The following KLHL2 variants were observed in gnomAD, a reference collection of about 807,000 sequenced individuals.
KLHL2 encodes kelch-like protein 2.
KLHL2 carries 15 observed loss-of-function variants against 75.8 expected under a neutral mutation model. The observed-to-expected ratio is 0.20, with a 90% confidence interval of 0.13 to 0.30. KLHL2 has a LOEUF of 0.30. Ranked by LOEUF, KLHL2 falls within the 10% of genes least tolerant of loss-of-function variation. The pLI is 1.00. For missense variants in KLHL2, 381 were observed against 741.0 expected (o/e 0.51, Z 5.64); for synonymous variants, 214 against 251.9 (o/e 0.85, Z 1.42).
intron 5 of KLHL2, among the ~76,000 whole-genome samples, chr4:165,266,836 G>A (rs188286734): frequency 6.6e-6 from 1 of 152,034 alleles, no homozygotes; most frequent in Non-Finnish European, 1.5e-5. Flanking sequence ...ATTTAAAGTA[G>A]TTTTTTCCAA....
chr4:165,263,802 ATTGTTTTTTT>A (rs755457903), intron 5 of KLHL2, among the ~76,000 whole-genome samples: 7,641 of 93,514 alleles, frequency 0.082, 430 homozygotes, highest in African/African-American at 0.2. Flanking sequence ...GATTTTTTAC[ATTGTTTTTTT>A]TTTTTTTTTT....
chr4:165,209,968 G>A (rs2110929356), intron 1 of KLHL2: 6 of 1,451,072 alleles, frequency 4.1e-6, no homozygotes, highest in South Asian at 1.5e-5. Context: ...CCCGTGTGCC[G>A]GATTTGAGAC....
At chr4:165,258,956 A>G (rs1741426030) in intron 4 of KLHL2, among the ~76,000 whole-genome samples, 1 of 152,152 alleles carries the variant, frequency 6.6e-6, no homozygotes, top group Non-Finnish European at 1.5e-5. Flanking sequence ...ACAAGTGCTG[A>G]TGCTATTAAA....
intron 8 of KLHL2, among the ~76,000 whole-genome samples, chr4:165,300,669 C>T (rs577195529): frequency 3.9e-5 from 6 of 152,300 alleles, no homozygotes; most frequent in South Asian, 2.1e-4. Flanking sequence ...CTTTATAGTA[C>T]GACCAATACT....
chr4:165,295,022 ACT>A (rs553464137), intron 6 of KLHL2, among the ~76,000 whole-genome samples: 245 of 150,808 alleles, frequency 1.6e-3, no homozygotes, highest in Non-Finnish European at 2.7e-3. Context: ...TGCCTCCCTG[ACT>A]CTCTCCCTCC....
intron 5 of KLHL2, chr4:165,278,147 T>A (rs1423752950): frequency 6.6e-7 from 1 of 1,507,220 alleles, no homozygotes; most frequent in Non-Finnish European, 9.2e-7. Flanking sequence ...CCATGTAGAA[T>A]AACGAATTTC....
chr4:165,207,973 G>T lies in KLHL2; in HGVS notation c.26+71G>T. On this transcript the variant is annotated intron_variant, in intron 1 of 14. Coordinates refer to ENST00000226725, the MANE Select transcript of KLHL2 (RefSeq NM_007246.4). This position sits in a 1 kb window ranked among gnomAD's most constrained non-coding sequence, Gnocchi z 4.2. ...CGCTGCGGCGCGTGTCGCCGGCCGC[G>T]GGCGCAGCTCTGGGGACAGCCGCCG... 2.5e-6 allele frequency: 3 copies of T among 1,198,174 alleles called. No individual in the cohort carries two copies. In the South Asian group the frequency reaches 7.9e-5, roughly 31 times the overall value. 74.2% of individuals were successfully genotyped at this position (1,198,174 alleles called of 1,614,324 possible). A position where few individuals can be genotyped will look rare whatever the true frequency, so the allele number is the denominator to read the frequency against.
intron 4 of KLHL2, among the ~76,000 whole-genome samples, chr4:165,262,371 G>A (rs1202824195): frequency 5.3e-5 from 8 of 152,110 alleles, no homozygotes; most frequent in African/African-American, 7.2e-5. Flanking sequence ...GTTCTACCCC[G>A]TAAGGAAAGC....
intron 6 of KLHL2, among the ~76,000 whole-genome samples, chr4:165,297,395 A>T (rs1744994914): frequency 6.7e-6 from 1 of 149,672 alleles, no homozygotes; most frequent in East Asian, 1.9e-4. Context: ...TTGCTTTATT[A>T]TTTTGGGTAA....
intron 5 of KLHL2, among the ~76,000 whole-genome samples, chr4:165,282,832 T>G (rs1743800639): frequency 6.6e-6 from 1 of 151,222 alleles, no homozygotes; most frequent in Non-Finnish European, 1.5e-5. Context: ...TTTGTATTAG[T>G]CCATTTCCAT....
At chr4:165,220,292 T>C (rs920118175) in intron 2 of KLHL2, among the ~76,000 whole-genome samples, 2 of 152,116 alleles carry the variant, frequency 1.3e-5, no homozygotes, top group African/African-American at 4.8e-5. Flanking sequence ...GCTAGTCTGA[T>C]GAGATAGTTT....
chr4:165,233,632 A>G (rs1421844368), intron 3 of KLHL2, among the ~76,000 whole-genome samples: 1 of 152,198 alleles, frequency 6.6e-6, no homozygotes, highest in Admixed American at 6.5e-5. Flanking sequence ...TTTATTGAGA[A>G]TCTTCTCTGC....
At chr4:165,284,405 G>A (rs1376977301) in intron 5 of KLHL2, among the ~76,000 whole-genome samples, 1 of 151,976 alleles carries the variant, frequency 6.6e-6, no homozygotes, top group African/African-American at 2.4e-5. Context: ...CAAGTTCAAA[G>A]TTCCACAGTT....
In KLHL2 at chr4:165,310,765, AT is replaced by A; in HGVS notation, c.1237+18del. Reference sequence around the variant, plus strand: ...TGGGAGTACAGGTAATTTCCTTTTCATTTATTCTACATTGCTGCTAAAATTA... The same window carrying A: ...TGGGAGTACAGGTAATTTCCTTTTCATTATTCTACATTGCTGCTAAAATTA... On this transcript the variant is annotated intron_variant, in intron 10 of 14. Transcript: ENST00000226725. 6.3e-7 allele frequency: 1 copy of A among 1,587,100 alleles called. No individual in the cohort carries two copies. The highest frequency in any genetic ancestry group is 1.1e-5 in the South Asian group (1 of 90,610).
intron 2 of KLHL2, among the ~76,000 whole-genome samples, chr4:165,222,355 T>A (rs1738064135): frequency 6.6e-6 from 1 of 152,148 alleles, no homozygotes; most frequent in African/African-American, 2.4e-5. Context: ...GGATTATTTA[T>A]AAGCTCCAGT....
At chr4:165,295,466 G>C (rs1744838345) in intron 6 of KLHL2, among the ~76,000 whole-genome samples, 2 of 152,302 alleles carry the variant, frequency 1.3e-5, no homozygotes, top group Non-Finnish European at 2.9e-5. Flanking sequence ...CCATGTACCA[G>C]ACACTGCCAT....
chr4:165,313,999 C>G, intron 12 of KLHL2, 27 bp from the exon 13 acceptor site: 1 of 1,592,024 alleles, frequency 6.3e-7, no homozygotes, highest in Non-Finnish European at 8.5e-7. Context: ...CTTTTTGCCC[C>G]TCTATTTGGC....
rs768672836 is a variant in KLHL2 at position 165,314,120 on chromosome 4, C to T, written c.1563C>T (p.Asn521=). 23 of 1,613,424 alleles carry T rather than the reference C, an allele frequency of 1.4e-5. No homozygotes were observed. The highest frequency in any genetic ancestry group is 1.2e-4 in the Admixed American group (7 of 59,968). ...KSVEVYDPTT[N]AWRQVADMNM... ...TTGAAGTATATGATCCCACCACTAA[C>T]GCATGGAGACAGGTTGCAGATATGA... Residue 521 remains asparagine, a synonymous_variant, in exon 13 of 15, where the codon AAC becomes AAT. Coordinates refer to ENST00000226725, the MANE Select transcript of KLHL2 (RefSeq NM_007246.4).
chr4:165,262,635 GT>G (rs1486359988), intron 4 of KLHL2, among the ~76,000 whole-genome samples: 1 of 152,124 alleles, frequency 6.6e-6, no homozygotes. Context: ...ATGGAGTGCT[GT>G]GGGGTGATCA....
Sources: gnomAD v4.1 joint callset for allele counts (sites outside exome capture counted in the v4.1 genomes callset) on GRCh38, gnomAD v4.1.1 for gene constraint, Gnocchi (gnomAD v3.1) non-coding constraint, MANE v1.5 for transcripts, NCBI Gene and HGNC (gene_info 2026-07-23, HGNC 2026-07-21) for gene names.